Variants in SLC25A13 observed in about 807,000 individuals in gnomAD.
The protein encoded by SLC25A13 is electrogenic aspartate/glutamate antiporter SLC25A13, mitochondrial.
SLC25A13 carries 70 observed loss-of-function variants against 85.5 expected under a neutral mutation model. The observed-to-expected ratio is 0.82, with a 90% CI of 0.68 to 1.00. The LOEUF (loss-of-function observed/expected upper bound fraction) is 1.00, where lower values mean the gene tolerates loss of function less well. Among genes scored for constraint, SLC25A13 ranks in the 50% least tolerant of loss-of-function variants. The pLI is 0.00. For missense variants in SLC25A13, 765 were observed against 819.8 expected (o/e 0.93, Z 0.82); for synonymous variants, 259 against 288.7 (o/e 0.90, Z 1.04).
intron 4 of SLC25A13, among the ~76,000 whole-genome samples, chr7:96,225,542 AAAAG>A (rs1796300336): frequency 6.6e-6 from 1 of 151,814 alleles, no homozygotes; most frequent in African/African-American, 2.4e-5. Flanking sequence ...AGAAAAAAAA[AAAAG>A]AAAGAAACCA....
chr7:96,174,546 C>T (rs1794141493), intron 11 of SLC25A13, among the ~76,000 whole-genome samples: 1 of 152,124 alleles, frequency 6.6e-6, no homozygotes, highest in African/African-American at 2.4e-5. Context: ...CATCTTTCTC[C>T]CTGTATTCAC....
intron 13 of SLC25A13, among the ~76,000 whole-genome samples, chr7:96,156,762 G>C (rs1562801292): frequency 6.6e-6 from 1 of 151,868 alleles, no homozygotes; most frequent in Non-Finnish European, 1.5e-5. Flanking sequence ...GGCCAGGCTG[G>C]TTTCAAATTC....
chr7:96,282,675 T>C (rs1221206536), intron 2 of SLC25A13, among the ~76,000 whole-genome samples: 1 of 152,244 alleles, frequency 6.6e-6, no homozygotes, highest in African/African-American at 2.4e-5. Context: ...GGGTGAATTA[T>C]AGTGATAGCT....
chr7:96,278,729 T>G (rs1798554346), intron 2 of SLC25A13, among the ~76,000 whole-genome samples: 1 of 152,206 alleles, frequency 6.6e-6, no homozygotes, highest in African/African-American at 2.4e-5. Context: ...AACATTTTTT[T>G]TAGCACACTA....
At chr7:96,268,357 G>A (rs35156638) in intron 3 of SLC25A13, among the ~76,000 whole-genome samples, 9,599 of 152,184 alleles carry the variant, frequency 0.063, 415 homozygotes, top group Non-Finnish European at 0.083. Flanking sequence ...TTCTCATTTT[G>A]AATGAAAAAA....
At chr7:96,226,821 T>A (rs1796344171) in intron 4 of SLC25A13, among the ~76,000 whole-genome samples, 1 of 152,150 alleles carries the variant, frequency 6.6e-6, no homozygotes, top group African/African-American at 2.4e-5. Flanking sequence ...CCTTATTTAT[T>A]ATTTCTCTGC....
intron 1 of SLC25A13, among the ~76,000 whole-genome samples, chr7:96,299,603 T>C (rs1439153313): frequency 6.6e-6 from 1 of 152,218 alleles, no homozygotes; most frequent in Non-Finnish European, 1.5e-5. Context: ...CTTACCGTAG[T>C]GGCCTTCCTA....
chr7:96,177,602 G>A (rs1042645479), intron 11 of SLC25A13, among the ~76,000 whole-genome samples: 3 of 152,126 alleles, frequency 2.0e-5, no homozygotes, highest in Non-Finnish European at 2.9e-5. Flanking sequence ...CCATTTTCAC[G>A]GGGTAGTCGT....
intron 13 of SLC25A13, among the ~76,000 whole-genome samples, chr7:96,168,718 C>A (rs1793875132): frequency 6.6e-6 from 1 of 152,114 alleles, no homozygotes; most frequent in South Asian, 2.1e-4. Flanking sequence ...CATATCTTTT[C>A]AGAAAGTTTA....
chr7:96,321,028 CTTAAA>C (rs775632579), intron 1 of SLC25A13, among the ~76,000 whole-genome samples: 10 of 152,256 alleles, frequency 6.6e-5, no homozygotes, highest in African/African-American at 1.9e-4. Flanking sequence ...CCTTCGTGAA[CTTAAA>C]TTAAAAGCAA....
intron 1 of SLC25A13, among the ~76,000 whole-genome samples, chr7:96,302,978 C>G (rs1799606247): frequency 6.6e-6 from 1 of 152,192 alleles, no homozygotes; most frequent in African/African-American, 2.4e-5. Context: ...GTTCTCAGTC[C>G]TCGCTGCATA....
At chr7:96,319,540 C>CAAAAAAAAAAAAAAAAAAAAA (rs398005497) in intron 1 of SLC25A13, among the ~76,000 whole-genome samples, 1 of 77,246 alleles carries the variant, frequency 1.3e-5, no homozygotes. Flanking sequence ...GACTCCATCT[C>CAAAAAAAAAAAAAAAAAAAAA]AAAAAAAAAA....
At chr7:96,263,040 A>G (rs981127901) in intron 3 of SLC25A13, among the ~76,000 whole-genome samples, 1 of 151,668 alleles carries the variant, frequency 6.6e-6, no homozygotes, top group African/African-American at 2.4e-5. Flanking sequence ...AAAAAAAAAA[A>G]AAAAACAGCA....
chr7:96,228,536 A>T (rs1330853898), intron 4 of SLC25A13, among the ~76,000 whole-genome samples: 1 of 152,228 alleles, frequency 6.6e-6, no homozygotes, highest in African/African-American at 2.4e-5. Flanking sequence ...AACTGGTACC[A>T]CTGAGAGGTG....
intron 1 of SLC25A13, among the ~76,000 whole-genome samples, chr7:96,312,136 A>C (rs2117027855): frequency 6.6e-6 from 1 of 152,342 alleles, no homozygotes; most frequent in Admixed American, 6.5e-5. Context: ...AATGCAGCAC[A>C]CTGGTTATGT....
intron 1 of SLC25A13, among the ~76,000 whole-genome samples, chr7:96,304,593 G>C (rs1009657274): frequency 6.6e-6 from 1 of 152,098 alleles, no homozygotes; most frequent in Non-Finnish European, 1.5e-5. Flanking sequence ...ACCTCTACCT[G>C]CTAGATGGGA....
rs182600149 is a variant in SLC25A13 at position 96,289,389 on chromosome 7, C to T, written c.69+7509G>A. On this transcript the variant is annotated intron_variant, in intron 2 of 17. Coordinates refer to ENST00000265631, the MANE Select transcript of SLC25A13 (RefSeq NM_014251.3). ...AAGGAACGCAGCTCCTCACCGGCAA[C>T]GGAACAAAGCTGGACGGACAATGAC... Among the ~76,000 whole-genome samples the T allele has an allele frequency of 3.7e-3, 559 of 152,256 alleles. 8 individuals carry two copies. The highest frequency in any genetic ancestry group is 0.032 in the Admixed American group (492 of 15,292).
intron 13 of SLC25A13, among the ~76,000 whole-genome samples, chr7:96,154,425 T>C (rs1793172672): frequency 1.3e-5 from 2 of 151,812 alleles, no homozygotes; most frequent in East Asian, 2.0e-4. Flanking sequence ...GTCTCCCAAG[T>C]AGCTGGGACT....
At chr7:96,151,413 T>C (rs190943333) in intron 13 of SLC25A13, among the ~76,000 whole-genome samples, 4 of 147,588 alleles carry the variant, frequency 2.7e-5, no homozygotes. Flanking sequence ...GCCTGGCTAA[T>C]ATGGTGAAAC....
Sources: allele counts gnomAD v4.1 joint callset (sites outside exome capture counted in the v4.1 genomes callset), GRCh38; gene constraint gnomAD v4.1.1; transcripts MANE v1.5; gene names NCBI Gene and HGNC (gene_info 2026-07-23, HGNC 2026-07-21).